Variants in APC observed in about 807,000 individuals in gnomAD.
APC encodes the protein adenomatous polyposis coli protein.
APC carries 72 observed loss-of-function variants against 247.0 expected under a neutral mutation model. The ratio of observed to expected loss-of-function variants is 0.29; its 90% CI spans 0.24 to 0.35. The LOEUF is 0.35. APC is among the 10% of genes least tolerant of loss of function. The probability of loss-of-function intolerance (pLI) is 1.00; values close to 1 mark genes in which losing one functional copy is unlikely to be tolerated. For synonymous variants in APC, 1,254 were observed against 1,162.5 expected (o/e 1.08, Z -1.60); for missense variants, 3,400 against 3,360.7 (o/e 1.01, Z -0.29).
chr5:112,840,972 C>G lies in APC; in HGVS notation c.5378C>G (p.Ala1793Gly), dbSNP rs764203580. ...TATAGGACACGTGTAAGAAAAAATGCAGACTCAAAAAATAATTTAAATGCT... is the reference window on the plus strand; with the variant it reads ...TATAGGACACGTGTAAGAAAAAATGGAGACTCAAAAAATAATTTAAATGCT... ...TEYRTRVRKN[A>G]DSKNNLNAER... The change falls in exon 16 of 16, where the codon GCA (alanine) becomes GGA (glycine). Residue 1793 changes from alanine (A) to glycine (G), a missense_variant. This residue lies in a region of APC where 1,788 missense variants were observed against 1,649.5 expected (regional missense o/e 1.08). Coordinates refer to ENST00000257430, the MANE Select transcript of APC (RefSeq NM_000038.6). This position sits in a 1 kb window ranked among gnomAD's most constrained non-coding sequence, Gnocchi z 4.1. 11 of 1,612,538 alleles carry G rather than the reference C, an allele frequency of 6.8e-6. 1 individual carries two copies. The East Asian group carries it at 2.5e-4, about 36-fold the overall frequency.
At chr5:112,775,063 C>T (rs971671765) in intron 4 of APC, among the ~76,000 whole-genome samples, 10 of 152,132 alleles carry the variant, frequency 6.6e-5, no homozygotes, top group Non-Finnish European at 1.5e-4. Context: ...TTTCTTAGTA[C>T]AGATTGCTAT....
intron 14 of APC, among the ~76,000 whole-genome samples, chr5:112,831,827 T>TA (rs1279255023): frequency 6.6e-6 from 1 of 152,242 alleles, no homozygotes; most frequent in African/African-American, 2.4e-5. Context: ...TGGCTTCTAT[T>TA]ACAGTGTTTC....
chr5:112,771,518 C>G (rs1304364092), intron 4 of APC, among the ~76,000 whole-genome samples: 1 of 152,114 alleles, frequency 6.6e-6, no homozygotes, highest in Admixed American at 6.5e-5. Flanking sequence ...TTATTTTGCT[C>G]TCACACTTGA....
At position 112,843,136 on chromosome 5, in the gene APC, T is replaced by C. The variant is rs2149989261; in HGVS notation, c.7542T>C (p.Thr2514=). The change falls in exon 16 of 16, where the codon ACT becomes ACC. Residue 2514 remains threonine, a synonymous_variant. Coordinates refer to ENST00000257430, the MANE Select transcript of APC (RefSeq NM_000038.6). This position sits in a 1 kb window ranked among gnomAD's most constrained non-coding sequence, Gnocchi z 4.8. ...AACTCCCACCTAATCTCAGTCCCAC[T>C]ATAGAGTATAATGATGGAAGACCAG... ...WRKLPPNLSP[T]IEYNDGRPAK... 6.2e-7 allele frequency: 1 copy of C among 1,613,960 alleles called. No homozygotes were observed. Among genetic ancestry groups the C allele is most frequent in the Non-Finnish European group, 8.5e-7 (1 of 1,179,870 alleles).
intron 8 of APC, among the ~76,000 whole-genome samples, chr5:112,805,830 G>A (rs1218059794): frequency 2.0e-5 from 3 of 152,140 alleles, no homozygotes; most frequent in Non-Finnish European, 2.9e-5. Flanking sequence ...TCACCACCAC[G>A]TGGGAATGTA....
At chr5:112,723,287 C>T (rs141822869) in intron 1 of APC, among the ~76,000 whole-genome samples, 1,596 of 152,134 alleles carry the variant, frequency 0.01, 22 homozygotes, top group African/African-American at 0.023. Flanking sequence ...CATGGAGAGG[C>T]CCTGCCTCTA....
rs565294521 is a variant in APC, at chr5:112,707,951, C to G, written c.165+69C>G. ...TCCTCGGCTTTGCCCCGCCGCTGCT[C>G]GGGACCCTACGGTGCTCGGCCCGAC... is the stretch of plus-strand genomic sequence containing the variant. On this transcript the variant is annotated intron_variant, in intron 1 of 13. Coordinates refer to the APC transcript ENST00000507379. 1.2e-4 allele frequency: 148 copies of G among 1,284,632 alleles called. 1 individual carries two copies. The South Asian group carries it at 2.1e-3, about 18-fold the overall frequency. The allele number at this position is 1,284,632 out of a possible 1,614,324, so 79.6% of individuals were successfully genotyped here. A position where few individuals can be genotyped will look rare whatever the true frequency, so the allele number is the denominator to read the frequency against.
chr5:112,808,090 G>A (rs7712537), intron 8 of APC, among the ~76,000 whole-genome samples: 8,380 of 152,228 alleles, frequency 0.055, 440 homozygotes, highest in East Asian at 0.14. Context: ...AGGAGGCAGA[G>A]GTTGCAGGGA....
intron 1 of APC, among the ~76,000 whole-genome samples, chr5:112,727,434 G>A (rs1751850755): frequency 6.6e-6 from 1 of 152,058 alleles, no homozygotes; most frequent in Non-Finnish European, 1.5e-5. Flanking sequence ...ATTGGTATAA[G>A]AACAAAAGTC....
chr5:112,756,163 C>T (rs1165721434), intron 2 of APC, among the ~76,000 whole-genome samples: 1 of 152,196 alleles, frequency 6.6e-6, no homozygotes, highest in African/African-American at 2.4e-5. Context: ...ACTGAGGTAA[C>T]TGTTTCTGCT....
chr5:112,721,870 G>A (rs1751500550), intron 1 of APC, among the ~76,000 whole-genome samples: 1 of 151,638 alleles, frequency 6.6e-6, no homozygotes. Flanking sequence ...AATAGCTGAT[G>A]AGCTTGAAAA....
Position 112,838,049 on chromosome 5 carries a change from A to G in APC, c.2455A>G (p.Met819Val), listed in dbSNP as rs764752578. 6.2e-7 allele frequency: 1 copy of G among 1,614,204 alleles called. No individual in the cohort carries two copies. Among genetic ancestry groups the G allele is most frequent in the Non-Finnish European group, 8.5e-7 (1 of 1,180,036 alleles). ...GTCAGACAATTTTAATACTGGCAAC[A>G]TGACTGTCCTTTCACCATATTTGAA... ...NRSDNFNTGN[M>V]TVLSPYLNTT... Residue 819 changes from methionine to valine, a missense_variant, in exon 16 of 16, where the codon ATG becomes GTG. Physicochemically the swap from Met to Val is conservative, Grantham distance 21. Around this residue, in one of 9 missense-constraint regions of APC, gnomAD observed 715 missense variants for 656.6 expected, o/e 1.09. Coordinates refer to ENST00000257430, the MANE Select transcript of APC (RefSeq NM_000038.6).
chr5:112,813,373 C>T (rs1201335824), intron 8 of APC, among the ~76,000 whole-genome samples: 2 of 152,108 alleles, frequency 1.3e-5, no homozygotes, highest in African/African-American at 4.8e-5. Context: ...AAGTTCTAAG[C>T]AGCCCTCATA....
chr5:112,724,097 A>T (rs899478701), intron 1 of APC, among the ~76,000 whole-genome samples: 2 of 152,162 alleles, frequency 1.3e-5, no homozygotes, highest in Non-Finnish European at 2.9e-5. Context: ...ATGATCTCTT[A>T]TTGTTAGTAA....
intron 1 of APC, among the ~76,000 whole-genome samples, chr5:112,717,444 A>T (rs1016287109): frequency 2.6e-5 from 4 of 152,148 alleles, no homozygotes; most frequent in African/African-American, 9.7e-5. Context: ...TCTTGCACTT[A>T]AGATTGCTTT....
chr5:112,806,866 C>A (rs899283743), intron 8 of APC, among the ~76,000 whole-genome samples: 27 of 152,306 alleles, frequency 1.8e-4, no homozygotes, highest in African/African-American at 5.8e-4. Context: ...GGGCATGGTG[C>A]TCACACATGT....
intron 1 of APC, among the ~76,000 whole-genome samples, chr5:112,723,144 TAAAAA>T (rs34534877): frequency 6.7e-6 from 1 of 150,210 alleles, no homozygotes; most frequent in Non-Finnish European, 1.5e-5. Flanking sequence ...TCAACATTAT[TAAAAA>T]AAAAGAGGAC....
intron 6 of APC, among the ~76,000 whole-genome samples, chr5:112,781,328 A>C (rs1245177614): frequency 6.6e-6 from 1 of 152,200 alleles, no homozygotes; most frequent in Non-Finnish European, 1.5e-5. Flanking sequence ...ATTTTAGGAG[A>C]GATGAAGTAA....
intron 8 of APC, among the ~76,000 whole-genome samples, chr5:112,809,844 A>G (rs1325705580): frequency 1.3e-5 from 2 of 152,144 alleles, no homozygotes; most frequent in East Asian, 1.9e-4. Flanking sequence ...TAAAAATACA[A>G]AAATTAGCTG....
Sources: allele counts gnomAD v4.1 joint callset (sites outside exome capture counted in the v4.1 genomes callset), GRCh38; gene constraint gnomAD v4.1.1; regional missense constraint gnomAD v4.1.1; non-coding constraint Gnocchi (gnomAD v3.1); transcripts MANE v1.5; gene names NCBI Gene and HGNC (gene_info 2026-07-23, HGNC 2026-07-21).